The following PISD variants were observed in gnomAD, a reference collection of about 807,000 sequenced individuals.
PISD encodes the protein phosphatidylserine decarboxylase, also known as phosphatidylserine decarboxylase proenzyme, mitochondrial.
Under a neutral mutation model 43.5 loss-of-function variants are expected in PISD, and 31 were observed. The observed-to-expected ratio is 0.71, with a 90% confidence interval of 0.54 to 0.96. The LOEUF is 0.96. Ranked by LOEUF, PISD falls within the 40% of genes least tolerant of loss-of-function variation. The probability of loss-of-function intolerance (pLI) is 0.00; values close to 1 mark genes in which losing one functional copy is unlikely to be tolerated. For synonymous variants in PISD, 259 were observed against 228.7 expected (o/e 1.13, Z -1.20); for missense variants, 523 against 548.4 (o/e 0.95, Z 0.46).
At chr22:31,661,080 G>A (rs151086151) in intron 1 of PISD, among the ~76,000 whole-genome samples, 1 of 151,940 alleles carries the variant, frequency 6.6e-6, no homozygotes, top group African/African-American at 2.4e-5. Context: ...TACACAGCAC[G>A]CCTGGTAATA....
intron 3 of PISD, among the ~76,000 whole-genome samples, chr22:31,647,892 G>A (rs532479093): frequency 6.6e-6 from 1 of 152,264 alleles, no homozygotes; most frequent in South Asian, 2.1e-4. Flanking sequence ...CAGAACCCTT[G>A]GGGAGACCAG....
intron 3 of PISD, among the ~76,000 whole-genome samples, chr22:31,635,733 G>A (rs533550706): frequency 1.3e-5 from 2 of 152,172 alleles, no homozygotes; most frequent in Non-Finnish European, 2.9e-5. Context: ...CGCCCTCTGC[G>A]ATCTCCTCCT....
chr22:31,627,101 C>T (rs1211591409), intron 3 of PISD, among the ~76,000 whole-genome samples: 3 of 152,258 alleles, frequency 2.0e-5, no homozygotes, highest in African/African-American at 7.2e-5. Flanking sequence ...GCAAGAATCA[C>T]CGAAGCCCCG....
intron 3 of PISD, chr22:31,627,971 C>G (rs2072998811): frequency 1.0e-6 from 1 of 962,522 alleles, no homozygotes; most frequent in South Asian, 4.8e-5. Context: ...AGACTAAGAA[C>G]CATCCTGAGA....
At chr22:31,624,654 GACACACAC>G (rs769817542) in intron 3 of PISD, among the ~76,000 whole-genome samples, 188 of 132,736 alleles carry the variant, frequency 1.4e-3, no homozygotes, top group Non-Finnish European at 1.9e-3. Flanking sequence ...TGCACAGACA[GACACACAC>G]ACACACACAC....
At chr22:31,623,865 C>G (rs756338100) in intron 3 of PISD, 4 of 1,606,912 alleles carry the variant, frequency 2.5e-6, no homozygotes, top group Non-Finnish European at 3.4e-6. Context: ...GGGCACAGGT[C>G]CATGCACAGC....
intron 3 of PISD, among the ~76,000 whole-genome samples, chr22:31,624,928 C>G (rs1200946838): frequency 6.6e-6 from 1 of 152,172 alleles, no homozygotes; most frequent in East Asian, 1.9e-4. Context: ...AAGGCCCACC[C>G]CACCCTGTCT....
intron 3 of PISD, chr22:31,626,199 G>A (rs1006008234): frequency 8.7e-6 from 3 of 346,772 alleles, no homozygotes; most frequent in Admixed American, 5.4e-5. Flanking sequence ...CTGGCCTGGG[G>A]AGGCAGTAGG....
At chr22:31,631,613 A>C (rs1177323677) in intron 3 of PISD, among the ~76,000 whole-genome samples, 1 of 152,168 alleles carries the variant, frequency 6.6e-6, no homozygotes, top group African/African-American at 2.4e-5. Flanking sequence ...GGAGGGCCCT[A>C]GTCTGCGGCT....
At position 31,619,336 on chromosome 22, in the gene PISD, A is replaced by AAAAG. The variant is rs2072344432; in HGVS notation, c.*272_*275dup. 1 of 490,832 alleles carries AAAAG rather than the reference A, an allele frequency of 2.0e-6. No individual in the cohort carries two copies. Among genetic ancestry groups the AAAAG allele is most frequent in the Non-Finnish European group, 3.8e-6 (1 of 261,836 alleles). The allele number at this position is 490,832 out of a possible 1,614,324, so 30.4% of individuals were successfully genotyped here. ...GGCTCTTCCGTCTATACAGTGTTTAAAAAGATCCAAATGTGACTGAGATCA... is the reference window on the plus strand; with the variant it reads ...GGCTCTTCCGTCTATACAGTGTTTAAAAAGAAAGATCCAAATGTGACTGAGATCA... On this transcript the variant is annotated 3_prime_UTR_variant, in exon 8 of 8. Transcript: ENST00000439502.
At chr22:31,623,775 A>G (rs1401004995) in intron 3 of PISD, 5 of 1,614,040 alleles carry the variant, frequency 3.1e-6, no homozygotes, top group Non-Finnish European at 4.2e-6. Flanking sequence ...CCAGGAGCGC[A>G]GTTTCAGAGC....
At chr22:31,626,162 G>T in intron 3 of PISD, 1 of 610,584 alleles carries the variant, frequency 1.6e-6, no homozygotes, top group Non-Finnish European at 2.4e-6. Flanking sequence ...GGCTGAGCCA[G>T]CCTGCACTGC....
At position 31,630,872 on chromosome 22, in the gene PISD, C is replaced by T. The variant is rs1285103374; in HGVS notation, c.322-8987G>A. 13 of 985,274 alleles carry T rather than the reference C, an allele frequency of 1.3e-5. No individual in the cohort carries two copies. Among genetic ancestry groups the T allele is most frequent in the Non-Finnish European group, 1.4e-5 (12 of 829,880 alleles). 61.0% of individuals were successfully genotyped at this position (985,274 alleles called of 1,614,324 possible). A position where few individuals can be genotyped will look rare whatever the true frequency, so the allele number is the denominator to read the frequency against. On this transcript the variant is annotated intron_variant, in intron 3 of 7. Transcript: ENST00000439502. The surrounding 1 kb of genome is among the most constrained non-coding windows in gnomAD (Gnocchi z 4.4). Reference sequence around the variant, plus strand: ...CTCCCGGAGCCGGGAAGCCTTGGGGCGAGTGGGCGGGGCTCGGGCTCCAGC... The same window carrying T: ...CTCCCGGAGCCGGGAAGCCTTGGGGTGAGTGGGCGGGGCTCGGGCTCCAGC...
At chr22:31,627,469 C>A (rs1569483668) in intron 3 of PISD, among the ~76,000 whole-genome samples, 1 of 152,270 alleles carries the variant, frequency 6.6e-6, no homozygotes, top group Non-Finnish European at 1.5e-5. Context: ...CCCCACCCTC[C>A]CTGGCCCACC....
chr22:31,621,286 A>G lies in PISD; in HGVS notation c.697+48T>C, dbSNP rs148207532. The stretch of plus-strand genomic sequence containing the variant: ...CCAGCATTCCCCTCCCTCCCGGTCC[A>G]GCCACACAGCAGCAGGGCTGCCTAG... On this transcript the variant is annotated intron_variant, in intron 5 of 7. Transcript: ENST00000439502. 39 of 1,612,120 alleles carry G rather than the reference A, an allele frequency of 2.4e-5. 1 individual carries two copies. The Middle Eastern group carries it at 5.0e-4, about 21-fold the overall frequency.
rs2072590905 is a variant in PISD, at chr22:31,621,710, C to T, written c.497G>A (p.Ser166Asn). The part of the protein sequence containing the change: ...VEDLHHYRNL[S>N]EFFRRKLKPQ... ...CTTCAGCTTGCGCCGGAAGAACTCG[C>T]TGAGGTTGCGGTAGTGATGCAGGTC... Residue 166 changes from serine to asparagine, a missense_variant, in exon 4 of 8, where the codon AGC becomes AAC. Ser to Asn is a conservative substitution (Grantham distance 46). Coordinates refer to ENST00000439502, the MANE Select transcript of PISD (RefSeq NM_001326411.2). The T allele has an allele frequency of 6.2e-7, 1 of 1,614,112 alleles. No individual in the cohort carries two copies. The highest frequency in any genetic ancestry group is 1.7e-5 in the Admixed American group (1 of 60,032).
At chr22:31,629,137 C>G (rs1176053155) in intron 3 of PISD, 2 of 985,154 alleles carry the variant, frequency 2.0e-6, no homozygotes, top group African/African-American at 1.7e-5. Flanking sequence ...CCTGCCCCCC[C>G]AGTGGAATGG....
At chr22:31,634,669 C>A (rs906590060) in intron 3 of PISD, among the ~76,000 whole-genome samples, 2 of 151,744 alleles carry the variant, frequency 1.3e-5, no homozygotes, top group Admixed American at 1.3e-4. Context: ...GAAACCCCAT[C>A]TTTACTAAAC....
chr22:31,627,615 C>T (rs1603400171), intron 3 of PISD, among the ~76,000 whole-genome samples: 1 of 152,230 alleles, frequency 6.6e-6, no homozygotes, highest in African/African-American at 2.4e-5. Context: ...GAGCTCACAG[C>T]CAGGATTCAG....
Sources: gnomAD v4.1 joint callset for allele counts (sites outside exome capture counted in the v4.1 genomes callset) on GRCh38, gnomAD v4.1.1 for gene constraint, Gnocchi (gnomAD v3.1) non-coding constraint, MANE v1.5 for transcripts, NCBI Gene and HGNC (gene_info 2026-07-23, HGNC 2026-07-21) for gene names.